The following ATP6V1A variants were observed in gnomAD, a reference collection of about 807,000 sequenced individuals.
The protein encoded by ATP6V1A is ATPase H+ transporting V1 subunit A.
Under a neutral mutation model 70.1 loss-of-function variants are expected in ATP6V1A, and 18 were observed. The ratio of observed to expected loss-of-function variants is 0.26; its 90% CI spans 0.18 to 0.38. ATP6V1A has a LOEUF of 0.38. Among genes scored for constraint, ATP6V1A ranks in the 10% least tolerant of loss-of-function variants. ATP6V1A has a pLI of 1.00. For missense variants in ATP6V1A, 424 were observed against 772.4 expected, an observed-to-expected ratio of 0.55 and a Z score of 5.35; for synonymous variants, 232 against 253.8, an observed-to-expected ratio of 0.91 and a Z score of 0.82.
At chr3:113,772,503 G>A (rs1358326946) in intron 1 of ATP6V1A, among the ~76,000 whole-genome samples, 2 of 152,114 alleles carry the variant, frequency 1.3e-5, no homozygotes, top group Non-Finnish European at 2.9e-5. Flanking sequence ...CAAGGCAGGC[G>A]GATCATGAGG....
At chr3:113,808,308 T>TC (rs71131111) in intron 14 of ATP6V1A, among the ~76,000 whole-genome samples, 20 of 121,656 alleles carry the variant, frequency 1.6e-4, no homozygotes, top group Admixed American at 4.1e-4. Flanking sequence ...TTTTTTTTTT[T>TC]CTGAGACAGA....
chr3:113,791,228 T>C (rs142237571), intron 8 of ATP6V1A, among the ~76,000 whole-genome samples: 2 of 152,274 alleles, frequency 1.3e-5, no homozygotes, highest in Non-Finnish European at 2.9e-5. Flanking sequence ...CTCCTTTTTA[T>C]TTAGCCTTGT....
intron 8 of ATP6V1A, among the ~76,000 whole-genome samples, chr3:113,790,608 A>G (rs1043712926): frequency 1.1e-4 from 17 of 152,196 alleles, no homozygotes; most frequent in African/African-American, 4.1e-4. Context: ...TTCAGGATTT[A>G]TAAAACTTAC....
At chr3:113,760,308 G>A (rs1438355911) in intron 1 of ATP6V1A, among the ~76,000 whole-genome samples, 1 of 152,118 alleles carries the variant, frequency 6.6e-6, no homozygotes, top group Non-Finnish European at 1.5e-5. Context: ...TATTTTTATT[G>A]CAGAGATTTT....
At chr3:113,757,784 C>T (rs1214758720) in intron 1 of ATP6V1A, among the ~76,000 whole-genome samples, 1 of 152,168 alleles carries the variant, frequency 6.6e-6, no homozygotes, top group Non-Finnish European at 1.5e-5. Flanking sequence ...CATCTGTTGC[C>T]CCTATGCTGT....
intron 1 of ATP6V1A, among the ~76,000 whole-genome samples, chr3:113,774,989 A>G (rs1411963217): frequency 1.3e-5 from 2 of 152,120 alleles, no homozygotes. Flanking sequence ...ATCTGAAAAG[A>G]TTATACTTTG....
Position 113,761,565 on chromosome 3 carries a change from C to T in ATP6V1A, c.-14+14452C>T, listed in dbSNP as rs8180078. 4.4e-3 allele frequency among the ~76,000 whole-genome samples: 667 copies of T among 151,342 alleles called. 12 individuals are homozygous for T. The South Asian group carries it at 0.063, about 14-fold the overall frequency. Reference sequence around the variant, plus strand: ...CAGCCTGACCAACATGTAGAAATCCCGACTCTACTAAAAATACATAATTAG... The same window carrying T: ...CAGCCTGACCAACATGTAGAAATCCTGACTCTACTAAAAATACATAATTAG... On this transcript the variant is annotated intron_variant, in intron 1 of 14. Transcript: ENST00000273398.
At chr3:113,777,373 T>A (rs150598518) in intron 1 of ATP6V1A, among the ~76,000 whole-genome samples, 2 of 152,244 alleles carry the variant, frequency 1.3e-5, no homozygotes, top group East Asian at 1.9e-4. Flanking sequence ...TGAAAAGTGC[T>A]ATGGTATAAA....
intron 11 of ATP6V1A, 99 bp from the exon 12 acceptor site, chr3:113,798,144 A>G (rs1021399817): frequency 1.1e-5 from 15 of 1,402,028 alleles, no homozygotes; most frequent in African/African-American, 1.4e-5. Flanking sequence ...AAAACAAAAA[A>G]AAAAGAATTG....
intron 1 of ATP6V1A, among the ~76,000 whole-genome samples, chr3:113,750,497 A>C (rs547111242): frequency 1.6e-4 from 24 of 152,256 alleles, no homozygotes; most frequent in African/African-American, 5.1e-4. Context: ...AAACAAAAAC[A>C]AAAACAAAAA....
chr3:113,790,302 CAAAAAAA>C (rs773821991), intron 8 of ATP6V1A, among the ~76,000 whole-genome samples: 9 of 24,508 alleles, frequency 3.7e-4, no homozygotes, highest in East Asian at 3.1e-3. Context: ...GACTCTGTCT[CAAAAAAA>C]AAAAAAAAAA....
At position 113,759,598 on chromosome 3, in the gene ATP6V1A, A is replaced by T. The variant is rs563966314; in HGVS notation, c.-14+12485A>T. 3.9e-5 allele frequency among the ~76,000 whole-genome samples: 6 copies of T among 152,134 alleles called. No individual in the cohort carries two copies. In the South Asian group the frequency reaches 8.3e-4, roughly 21 times the overall value. On this transcript the variant is annotated intron_variant, in intron 1 of 14. Coordinates refer to ENST00000273398, the MANE Select transcript of ATP6V1A (RefSeq NM_001690.4). ...TAACTTAATAAATTGAATCTAATTT[A>T]ATATTTTCTTAATATTTAAGAATAT...
At chr3:113,758,381 A>T (rs73226558) in intron 1 of ATP6V1A, among the ~76,000 whole-genome samples, 2,367 of 152,320 alleles carry the variant, frequency 0.016, 31 homozygotes, top group Non-Finnish European at 0.025. Context: ...GAACATATCC[A>T]TCACACCCAA....
chr3:113,772,933 C>CTTTTTTTTTTTTTTTTTTTTTTTTT (rs762901487), intron 1 of ATP6V1A, among the ~76,000 whole-genome samples: 1 of 90,450 alleles, frequency 1.1e-5, no homozygotes, highest in African/African-American at 4.5e-5. Flanking sequence ...TTAATATTGG[C>CTTTTTTTTTTTTTTTTTTTTTTTTT]TTTTTTTTTT....
intron 8 of ATP6V1A, among the ~76,000 whole-genome samples, chr3:113,792,261 GAT>G (rs1237046767): frequency 6.6e-6 from 1 of 152,032 alleles, no homozygotes; most frequent in Non-Finnish European, 1.5e-5. Context: ...CGTCGTTTAC[GAT>G]AGGCAGCACT....
chr3:113,797,764 A>G (rs946639050), intron 11 of ATP6V1A, among the ~76,000 whole-genome samples: 18 of 152,174 alleles, frequency 1.2e-4, no homozygotes, highest in Non-Finnish European at 2.2e-4. Flanking sequence ...GATTATTGTC[A>G]TTTTCTGCAA....
At chr3:113,800,188 C>A (rs1055688961) in intron 12 of ATP6V1A, among the ~76,000 whole-genome samples, 25 of 150,732 alleles carry the variant, frequency 1.7e-4, no homozygotes, top group African/African-American at 6.1e-4. Context: ...GCCGAAATCA[C>A]GCCACTGCAC....
intron 1 of ATP6V1A, among the ~76,000 whole-genome samples, chr3:113,776,961 C>CT (rs1458962799): frequency 6.6e-6 from 1 of 152,208 alleles, no homozygotes; most frequent in Non-Finnish European, 1.5e-5. Flanking sequence ...GGTATCTTCT[C>CT]TAAACATTCT....
Position 113,772,282 on chromosome 3 carries a change from A to G in ATP6V1A, c.-13-6459A>G, listed in dbSNP as rs142619029. Among the ~76,000 whole-genome samples, 365 of 152,326 alleles carry G rather than the reference A, an allele frequency of 2.4e-3. 2 individuals are homozygous for G. The highest frequency in any genetic ancestry group is 8.5e-3 in the African/African-American group (355 of 41,570). On this transcript the variant is annotated intron_variant, in intron 1 of 14. Coordinates refer to ENST00000273398, the MANE Select transcript of ATP6V1A (RefSeq NM_001690.4). ...GACAGCTGTTAGTTATTCAGTAATC[A>G]CTATGGGAGTGCTTTTGGACTGGGG...
Sources: gnomAD v4.1 joint callset for allele counts (sites outside exome capture counted in the v4.1 genomes callset) on GRCh38, gnomAD v4.1.1 for gene constraint, MANE v1.5 for transcripts, NCBI Gene and HGNC (gene_info 2026-07-23, HGNC 2026-07-21) for gene names.